The following ZNF805 variants were observed in gnomAD, a reference collection of about 807,000 sequenced individuals.
The protein encoded by ZNF805 is CTC-444N24.8.
Under a neutral mutation model 13.6 loss-of-function variants are expected in ZNF805, and 7 were observed. That is an observed-to-expected ratio of 0.51 (90% CI 0.29 to 0.97). The LOEUF is 0.97. Among genes scored for constraint, ZNF805 ranks in the 50% least tolerant of loss-of-function variants. The probability of loss-of-function intolerance (pLI) is 0.08; values close to 1 mark genes in which losing one functional copy is unlikely to be tolerated. For synonymous variants in ZNF805, 293 were observed against 279.8 expected, an observed-to-expected ratio of 1.05 and a Z score of -0.47; for missense variants, 604 against 771.0, an observed-to-expected ratio of 0.78 and a Z score of 2.57.
rs2087692569 is a variant in ZNF805 at position 57,257,219 on chromosome 19, G to C, written c.*2516G>C. Reference sequence around the variant, plus strand: ...TTACATAGCTGCTTGAAAAGAATGTGTGTTCTCGGTCATTTGGTGGAGTTT... The same window carrying C: ...TTACATAGCTGCTTGAAAAGAATGTCTGTTCTCGGTCATTTGGTGGAGTTT... On this transcript the variant is annotated 3_prime_UTR_variant, in exon 4 of 4. Coordinates refer to ENST00000414468, the MANE Select transcript of ZNF805 (RefSeq NM_001023563.4). 6.6e-6 allele frequency among the ~76,000 whole-genome samples: 1 copy of C among 152,128 alleles called. No homozygotes were observed. Among genetic ancestry groups the C allele is most frequent in the Non-Finnish European group, 1.5e-5 (1 of 68,038 alleles).
intron 3 of ZNF805, among the ~76,000 whole-genome samples, chr19:57,251,084 T>C (rs2087649251): frequency 6.6e-6 from 1 of 152,228 alleles, no homozygotes; most frequent in African/African-American, 2.4e-5. Context: ...TCAGTGATGC[T>C]GTGGACATTT....
chr19:57,244,069 C>A lies in ZNF805; in HGVS notation c.157+20C>A. ...CTCTGGGTAAGGCCTTCCCCCTCCA[C>A]CATGCAGGGGATCTGCCACCTCCTT... On this transcript the variant is annotated intron_variant, in intron 2 of 3. Transcript: ENST00000414468. The A allele has an allele frequency of 6.2e-7, 1 of 1,610,222 alleles. No individual in the cohort carries two copies. Among genetic ancestry groups the A allele is most frequent in the Non-Finnish European group, 8.5e-7 (1 of 1,177,742 alleles).
At chr19:57,247,564 G>T (rs1485458867) in intron 2 of ZNF805, among the ~76,000 whole-genome samples, 1 of 152,204 alleles carries the variant, frequency 6.6e-6, no homozygotes, top group African/African-American at 2.4e-5. Flanking sequence ...CAGGGTCAAG[G>T]GTTATTTTAT....
chr19:57,258,705 T>G lies in ZNF805; in HGVS notation c.*4002T>G, dbSNP rs1470035715. 6.6e-6 allele frequency among the ~76,000 whole-genome samples: 1 copy of G among 152,220 alleles called. No homozygotes were observed. Among genetic ancestry groups the G allele is most frequent in the Admixed American group, 6.5e-5 (1 of 15,286 alleles). ...AAATTGAGCACCATGTTGGAAAATG[T>G]AATTTTTGCTTCCACTGTCAAATAT... On this transcript the variant is annotated 3_prime_UTR_variant, in exon 4 of 4. Coordinates refer to ENST00000414468, the MANE Select transcript of ZNF805 (RefSeq NM_001023563.4).
intron 2 of ZNF805, among the ~76,000 whole-genome samples, chr19:57,247,738 C>T (rs868096993): frequency 3.3e-5 from 5 of 152,322 alleles, no homozygotes; most frequent in South Asian, 4.1e-4. Context: ...TGTGGTTAAA[C>T]AGCACAGACA....
rs752533908 is a variant in ZNF805 at position 57,253,918 on chromosome 19, G to A, written c.1099G>A (p.Gly367Arg). The A allele has an allele frequency of 2.5e-6, 4 of 1,614,062 alleles. No individual in the cohort carries two copies. Among genetic ancestry groups the A allele is most frequent in the African/African-American group, 1.3e-5 (1 of 74,912 alleles). ...YLMWHQQTHTGEKPYECSECG... is the reference protein window; with the variant it reads ...YLMWHQQTHTREKPYECSECG... ...CATGTGGCACCAGCAGACTCATACC[G>A]GGGAGAAGCCCTATGAGTGCAGTGA... The change falls in exon 4 of 4, where the codon GGG (glycine) becomes AGG (arginine). Residue 367 changes from glycine to arginine, a missense_variant. Transcript: ENST00000414468. The surrounding 1 kb of genome is among the most constrained non-coding windows in gnomAD (Gnocchi z 4.4).
At position 57,259,492 on chromosome 19, in the gene ZNF805, A is replaced by ATTTGTTTTGTTTTGT. The variant is rs201704217; in HGVS notation, c.*4803_*4817dup. 3.3e-5 allele frequency among the ~76,000 whole-genome samples: 5 copies of ATTTGTTTTGTTTTGT among 149,474 alleles called. No individual in the cohort carries two copies. Among genetic ancestry groups the ATTTGTTTTGTTTTGT allele is most frequent in the Admixed American group, 6.7e-5 (1 of 15,034 alleles). ...TGTATTTTTCAGTTGTTTAATTTCC[A>ATTTGTTTTGTTTTGT]TTTGTTTTGTTTTGTTTTGTTTTGT... On this transcript the variant is annotated 3_prime_UTR_variant, in exon 4 of 4. Coordinates refer to ENST00000414468, the MANE Select transcript of ZNF805 (RefSeq NM_001023563.4).
chr19:57,253,590 G>A lies in ZNF805; in HGVS notation c.771G>A (p.Lys257=), dbSNP rs2087665773. Residue 257 remains lysine (K), a synonymous_variant, in exon 4 of 4, where the codon AAG becomes AAA. Coordinates refer to ENST00000414468, the MANE Select transcript of ZNF805 (RefSeq NM_001023563.4). This position sits in a 1 kb window ranked among gnomAD's most constrained non-coding sequence, Gnocchi z 4.4. The part of the protein sequence containing the change: ...LQHHMVHTGE[K]PYKCMECGKA... Reference sequence around the variant, plus strand: ...ACCACATGGTCCACACTGGGGAGAAGCCCTATAAGTGCATGGAGTGTGGGA... The same window carrying A: ...ACCACATGGTCCACACTGGGGAGAAACCCTATAAGTGCATGGAGTGTGGGA... 6.2e-7 allele frequency: 1 copy of A among 1,613,994 alleles called. No homozygotes were observed.
intron 1 of ZNF805, among the ~76,000 whole-genome samples, chr19:57,241,331 G>T (rs917671164): frequency 2.6e-5 from 4 of 151,984 alleles, no homozygotes; most frequent in Non-Finnish European, 5.9e-5. Flanking sequence ...ATTTGTAACT[G>T]ACTGTTCTAA....
chr19:57,261,546 TA>T lies in ZNF805; in HGVS notation c.*6846del, dbSNP rs939013313. The T allele has an allele frequency of 7.8e-5, 13 of 167,062 alleles. No homozygotes were observed. Among genetic ancestry groups the T allele is most frequent in the Non-Finnish European group, 1.6e-4 (11 of 68,114 alleles). The allele number at this position is 167,062 out of a possible 1,614,324, so 10.3% of individuals were successfully genotyped here. On this transcript the variant is annotated 3_prime_UTR_variant, in exon 4 of 4. Transcript: ENST00000414468. ...CCCTCAATATATATGTGTGTGTTGG[TA>T]AATGGCCATACACAGCAGGGTATTT... is the stretch of plus-strand genomic sequence containing the variant.
chr19:57,262,614 A>G lies in ZNF805; in HGVS notation c.*7911A>G, dbSNP rs1298685300. The G allele has an allele frequency of 6.0e-6, 1 of 167,066 alleles. No homozygotes were observed. Among genetic ancestry groups the G allele is most frequent in the Non-Finnish European group, 1.5e-5 (1 of 68,112 alleles). The allele number at this position is 167,066 out of a possible 1,614,324, so 10.3% of individuals were successfully genotyped here. A position where few individuals can be genotyped will look rare whatever the true frequency, so the allele number is the denominator to read the frequency against. On this transcript the variant is annotated 3_prime_UTR_variant, in exon 4 of 4. Coordinates refer to ENST00000414468, the MANE Select transcript of ZNF805 (RefSeq NM_001023563.4). ...TTCTCATCCACTCTTTGTTCTTGCT[A>G]TTGAAAGTTGTAGCTTCTGGCTACA...
chr19:57,247,780 T>A (rs2087628075), intron 2 of ZNF805, among the ~76,000 whole-genome samples: 1 of 152,216 alleles, frequency 6.6e-6, no homozygotes, highest in Admixed American at 6.5e-5. Context: ...CCTTATTGAC[T>A]CAGCCATTCT....
chr19:57,245,541 A>C (rs541035735), intron 2 of ZNF805, among the ~76,000 whole-genome samples: 1 of 151,598 alleles, frequency 6.6e-6, no homozygotes, highest in African/African-American at 2.4e-5. Context: ...GCACTTTGGG[A>C]GGCCGAGATG....
intron 3 of ZNF805, among the ~76,000 whole-genome samples, chr19:57,249,329 G>T (rs891565503): frequency 6.6e-6 from 1 of 152,164 alleles, no homozygotes; most frequent in African/African-American, 2.4e-5. Context: ...CCAAGGAGAA[G>T]AGCAGATGGT....
rs991796175 is a variant in ZNF805, at chr19:57,261,964, T to C, written c.*7261T>C. ...CTTAAAACAACACACGTGAGATGTG[T>C]TCCAGGAAGTCGTCTTGAGCACCCA... On this transcript the variant is annotated 3_prime_UTR_variant, in exon 4 of 4. Transcript: ENST00000414468. 6.0e-6 allele frequency: 1 copy of C among 166,552 alleles called. No homozygotes were observed. Among genetic ancestry groups the C allele is most frequent in the African/African-American group, 2.4e-5 (1 of 41,464 alleles). 10.3% of individuals were successfully genotyped at this position (166,552 alleles called of 1,614,324 possible).
At position 57,259,707 on chromosome 19, in the gene ZNF805, T is replaced by C. The variant is rs932386523; in HGVS notation, c.*5004T>C. Among the ~76,000 whole-genome samples the C allele has an allele frequency of 6.6e-6, 1 of 152,122 alleles. No individual in the cohort carries two copies. Among genetic ancestry groups the C allele is most frequent in the Admixed American group, 6.5e-5 (1 of 15,272 alleles). ...ATTTTTAGTAGAGACGGGGTTTCACTGTGTTAGCCAGGATGGTCTCGATTT... is the reference window on the plus strand; with the variant it reads ...ATTTTTAGTAGAGACGGGGTTTCACCGTGTTAGCCAGGATGGTCTCGATTT... On this transcript the variant is annotated 3_prime_UTR_variant, in exon 4 of 4. Transcript: ENST00000414468.
At chr19:57,243,901 C>T in intron 1 of ZNF805, 22 bp from the exon 2 acceptor site, 1 of 1,614,192 alleles carries the variant, frequency 6.2e-7, no homozygotes, top group Non-Finnish European at 8.5e-7. Context: ...GCAAACTCTA[C>T]TACCTCTATT....
rs553481514 is a variant in ZNF805 at position 57,260,085 on chromosome 19, C to G, written c.*5382C>G. ...AGGTTGTATGTAAAATCCTCCAGCT[C>G]TGTAAGCCTTGTTATATCCTCAATG... On this transcript the variant is annotated 3_prime_UTR_variant, in exon 4 of 4. Coordinates refer to ENST00000414468, the MANE Select transcript of ZNF805 (RefSeq NM_001023563.4). Among the ~76,000 whole-genome samples the G allele has an allele frequency of 2.0e-5, 3 of 152,320 alleles. No homozygotes were observed. The highest frequency in any genetic ancestry group is 7.2e-5 in the African/African-American group (3 of 41,568).
intron 1 of ZNF805, 103 bp from the exon 2 acceptor site, chr19:57,243,809 TTAGGCCCTCAG>T (rs2087594320): frequency 6.9e-7 from 1 of 1,447,048 alleles, no homozygotes; most frequent in East Asian, 2.3e-5. Flanking sequence ...TGGTACAAAG[TTAGGCCCTCAG>T]GAGGCCCTCA....
Sources: allele counts gnomAD v4.1 joint callset (sites outside exome capture counted in the v4.1 genomes callset), GRCh38; gene constraint gnomAD v4.1.1; non-coding constraint Gnocchi (gnomAD v3.1); transcripts MANE v1.5; gene names NCBI Gene and HGNC (gene_info 2026-07-23, HGNC 2026-07-21).